The following DENND4C variants were observed in gnomAD, a reference collection of about 807,000 sequenced individuals.
DENND4C encodes the protein DENN domain containing 4C.
DENND4C carries 108 observed loss-of-function variants against 203.0 expected under a neutral mutation model. That is an observed-to-expected ratio of 0.53 (90% CI 0.46 to 0.62). The LOEUF (loss-of-function observed/expected upper bound fraction) is 0.62. Among genes scored for constraint, DENND4C ranks in the 20% least tolerant of loss-of-function variants. DENND4C has a pLI of 0.00. For missense variants in DENND4C, 2,481 were observed against 2,301.2 expected (o/e 1.08, Z -1.60); for synonymous variants, 871 against 792.4 (o/e 1.10, Z -1.67).
chr9:19,350,928 C>G lies in DENND4C; in HGVS notation c.4495+49C>G, dbSNP rs751922584. ...TTCATTTGCTTTATAATAGTTTTTG[C>G]TTTTTTTTTTTAATTTAAGAGACGG... On this transcript the variant is annotated intron_variant, in intron 24 of 32. Coordinates refer to ENST00000434457, the MANE Select transcript of DENND4C (RefSeq NM_001330640.2). 3.0e-5 allele frequency: 37 copies of G among 1,236,720 alleles called. No individual in the cohort carries two copies. The East Asian group carries it at 1.1e-3, about 36-fold the overall frequency. The allele number at this position is 1,236,720 out of a possible 1,614,324, so 76.6% of individuals were successfully genotyped here.
intron 16 of DENND4C, among the ~76,000 whole-genome samples, chr9:19,330,477 T>G (rs1333608097): frequency 1.3e-5 from 2 of 151,488 alleles, no homozygotes; most frequent in Non-Finnish European, 2.9e-5. Context: ...ATAGCTGGGA[T>G]TACAGGCGCC....
intron 27 of DENND4C, chr9:19,357,626 C>T (rs993648447): frequency 4.5e-6 from 1 of 222,306 alleles, no homozygotes; most frequent in African/African-American, 2.3e-5. Context: ...CTTTATTGTA[C>T]TTATTTGCAT....
chr9:19,298,814 G>A (rs897362589), intron 7 of DENND4C, among the ~76,000 whole-genome samples: 3 of 152,136 alleles, frequency 2.0e-5, no homozygotes, highest in African/African-American at 7.2e-5. Flanking sequence ...TTAACATTAT[G>A]TATGGTGGGA....
At chr9:19,305,745 CAA>C (rs1839526900) in intron 10 of DENND4C, among the ~76,000 whole-genome samples, 1 of 151,970 alleles carries the variant, frequency 6.6e-6, no homozygotes, top group Non-Finnish European at 1.5e-5. Flanking sequence ...ATTTGGGTAA[CAA>C]TATTAAATGT....
chr9:19,332,765 ATT>A lies in DENND4C; in HGVS notation c.2460+600_2460+601del, dbSNP rs35052178. On this transcript the variant is annotated intron_variant, in intron 17 of 32. Coordinates refer to ENST00000434457, the MANE Select transcript of DENND4C (RefSeq NM_001330640.2). ...CTGGCATATGGTTTTTCTGTTTTTG[ATT>A]TTTTTTTTTTTTTTTTTTAAGGGAT... is the stretch of plus-strand genomic sequence containing the variant. Among the ~76,000 whole-genome samples, 64 of 110,448 alleles carry A rather than the reference ATT, an allele frequency of 5.8e-4. 1 individual carries two copies. In the South Asian group the frequency reaches 0.013, roughly 23 times the overall value. The allele number at this position is 110,448 out of a possible 152,430, so 72.5% of individuals were successfully genotyped here. A position where few individuals can be genotyped will look rare whatever the true frequency, so the allele number is the denominator to read the frequency against.
chr9:19,255,285 G>C (rs1179916926), intron 1 of DENND4C, among the ~76,000 whole-genome samples: 2 of 152,000 alleles, frequency 1.3e-5, no homozygotes, highest in Non-Finnish European at 2.9e-5. Flanking sequence ...CGTGCCTGTA[G>C]TCCCAGCTAC....
intron 26 of DENND4C, among the ~76,000 whole-genome samples, chr9:19,355,233 ATCTT>A (rs1305403787): frequency 2.6e-5 from 4 of 152,030 alleles, no homozygotes; most frequent in African/African-American, 4.8e-5. Flanking sequence ...TTTTCTATTG[ATCTT>A]TCTTTTTCTT....
intron 21 of DENND4C, 103 bp downstream of exon 21, chr9:19,341,217 G>A (rs1032324501): frequency 4.2e-6 from 4 of 954,882 alleles, no homozygotes; most frequent in African/African-American, 1.7e-5. Flanking sequence ...TTTCACAAAT[G>A]TAAGGTCTGG....
intron 5 of DENND4C, among the ~76,000 whole-genome samples, chr9:19,294,681 A>G (rs1302370231): frequency 1.3e-5 from 2 of 152,234 alleles, no homozygotes; most frequent in East Asian, 3.8e-4. Context: ...TGGTATATAT[A>G]TATGATGGAA....
chr9:19,333,017 A>AT (rs967627227), intron 17 of DENND4C, among the ~76,000 whole-genome samples: 1 of 149,620 alleles, frequency 6.7e-6, no homozygotes, highest in Non-Finnish European at 1.5e-5. Flanking sequence ...TTAAAAATAT[A>AT]TTTTTTATTT....
intron 20 of DENND4C, among the ~76,000 whole-genome samples, chr9:19,337,229 A>G (rs937260171): frequency 6.6e-6 from 1 of 152,242 alleles, no homozygotes; most frequent in Admixed American, 6.5e-5. Context: ...GAAGTCACAC[A>G]ATGAGAAAAA....
At position 19,372,104 on chromosome 9, in the gene DENND4C, G is replaced by T. The variant is rs1216665247; in HGVS notation, c.5808G>T (p.Gln1936His). The change falls in exon 33 of 33, where the codon CAG (glutamine) becomes CAT (histidine). Residue 1936 changes from glutamine to histidine, a missense_variant. By Grantham distance (24) the Gln-to-His change is conservative. This residue lies in a region of DENND4C where 2,289 missense variants were observed against 2,113.3 expected (regional missense o/e 1.08). Transcript: ENST00000434457. ...SLSSEILERL[Q>H]KIDAPPSASV... is the part of the protein sequence containing the mutation. ...CTTCAGAGATTCTTGAAAGGTTGCA[G>T]AAAATTGATGCTCCACCAAGTGCCA... is the stretch of plus-strand genomic sequence containing the variant. The T allele has an allele frequency of 1.2e-6, 2 of 1,614,080 alleles. No homozygotes were observed. Among genetic ancestry groups the T allele is most frequent in the Admixed American group, 3.3e-5 (2 of 60,012 alleles).
chr9:19,297,082 C>T (rs547976047), intron 6 of DENND4C, among the ~76,000 whole-genome samples: 1 of 152,256 alleles, frequency 6.6e-6, no homozygotes, highest in South Asian at 2.1e-4. Flanking sequence ...TCTAGTGGCG[C>T]ATTGACTTCT....
chr9:19,328,685 A>ATCTATCTG (rs1427821818), intron 16 of DENND4C, among the ~76,000 whole-genome samples: 3 of 144,968 alleles, frequency 2.1e-5, no homozygotes, highest in African/African-American at 8.0e-5. Context: ...CTATCTATCT[A>ATCTATCTG]TCTATCTATC....
intron 1 of DENND4C, among the ~76,000 whole-genome samples, chr9:19,251,290 A>G (rs1038736217): frequency 2.6e-5 from 4 of 152,208 alleles, no homozygotes; most frequent in African/African-American, 7.2e-5. Flanking sequence ...ACCTTGGCTC[A>G]TTTTAATCAC....
chr9:19,359,338 C>T (rs1825996088), intron 28 of DENND4C, among the ~76,000 whole-genome samples: 1 of 151,740 alleles, frequency 6.6e-6, no homozygotes. Context: ...GCTTCAGCCT[C>T]CCTAATAACT....
chr9:19,296,809 C>G (rs886533295), intron 6 of DENND4C, among the ~76,000 whole-genome samples: 2 of 152,074 alleles, frequency 1.3e-5, no homozygotes, highest in Non-Finnish European at 2.9e-5. Flanking sequence ...CTCTAATAAC[C>G]AAGAGACAAA....
Position 19,341,098 on chromosome 9 carries a change from A to G in DENND4C, c.2988A>G (p.Thr996=), listed in dbSNP as rs754414580. Reference sequence around the variant, plus strand: ...CAGCAAGAGAATTGATAACTAAAACAAAAATGCAAACAGAAGGTTAAGTAC... The same window carrying G: ...CAGCAAGAGAATTGATAACTAAAACGAAAATGCAAACAGAAGGTTAAGTAC... ...EQAARELITK[T]KMQTEEVCDA... Residue 996 remains threonine (T), a synonymous_variant, in exon 21 of 33, where the codon ACA becomes ACG. Transcript: ENST00000434457. 2 of 1,611,200 alleles carry G rather than the reference A, an allele frequency of 1.2e-6. No individual in the cohort carries two copies. Among genetic ancestry groups the G allele is most frequent in the Non-Finnish European group, 1.7e-6 (2 of 1,178,940 alleles).
In DENND4C at chr9:19,302,456, A is replaced by G. The variant is rs553917304; in HGVS notation, c.1311+2125A>G. On this transcript the variant is annotated intron_variant, in intron 9 of 32. Coordinates refer to ENST00000434457, the MANE Select transcript of DENND4C (RefSeq NM_001330640.2). The stretch of plus-strand genomic sequence containing the variant: ...GAGGTGTAACATACCTTTTGTTGAA[A>G]AGGAGATAGTTGTCACTCAAGGAAA... Among the ~76,000 whole-genome samples, 312 of 152,254 alleles carry G rather than the reference A, an allele frequency of 2.0e-3. 1 individual carries two copies. Among genetic ancestry groups the G allele is most frequent in the Middle Eastern group, 0.014 (4 of 292 alleles).
Sources: gnomAD v4.1 joint callset for allele counts (sites outside exome capture counted in the v4.1 genomes callset) on GRCh38, gnomAD v4.1.1 for gene constraint, gnomAD v4.1.1 regional missense constraint, MANE v1.5 for transcripts, NCBI Gene and HGNC (gene_info 2026-07-23, HGNC 2026-07-21) for gene names.